ZNF385B: variants seen among roughly 807,000 people sequenced by gnomAD.
ZNF385B encodes zinc finger protein 533.
ZNF385B carries 23 observed loss-of-function variants against 39.2 expected under a neutral mutation model. That is an observed-to-expected ratio of 0.59 (90% confidence interval 0.42 to 0.83). The LOEUF is 0.83. Ranked by LOEUF, ZNF385B falls within the 40% of genes least tolerant of loss-of-function variation. ZNF385B has a pLI of 0.00. For synonymous variants in ZNF385B, 205 were observed against 222.6 expected (o/e 0.92, Z 0.70); for missense variants, 552 against 598.9 (o/e 0.92, Z 0.82).
At chr2:179,760,233 T>C (rs373454405) in intron 3 of ZNF385B, among the ~76,000 whole-genome samples, 8 of 147,080 alleles carry the variant, frequency 5.4e-5, no homozygotes, top group Non-Finnish European at 1.1e-4. Flanking sequence ...CGTGTGTGTG[T>C]GTGTGTGTGT....
intron 1 of ZNF385B, among the ~76,000 whole-genome samples, chr2:179,778,062 G>A (rs1704448385): frequency 6.6e-6 from 1 of 151,820 alleles, no homozygotes; most frequent in Non-Finnish European, 1.5e-5. Flanking sequence ...CATAGAATTG[G>A]GCTTTATTCT....
At chr2:179,444,672 T>C (rs2049288356) in intron 9 of ZNF385B, among the ~76,000 whole-genome samples, 1 of 152,184 alleles carries the variant, frequency 6.6e-6, no homozygotes, top group South Asian at 2.1e-4. Context: ...AAATATTAGC[T>C]CTTAAAGAGG....
intron 3 of ZNF385B, among the ~76,000 whole-genome samples, chr2:179,559,236 T>A (rs540546845): frequency 2.0e-5 from 3 of 152,298 alleles, no homozygotes; most frequent in African/African-American, 7.2e-5. Context: ...CAAACACTCC[T>A]GTGGGCGACT....
chr2:179,685,616 C>T (rs1697861496), intron 3 of ZNF385B, among the ~76,000 whole-genome samples: 1 of 151,994 alleles, frequency 6.6e-6, no homozygotes, highest in Non-Finnish European at 1.5e-5. Context: ...CCTGACTGTA[C>T]AGACAGCACA....
chr2:179,510,297 GCTAT>G (rs4019149), intron 5 of ZNF385B, among the ~76,000 whole-genome samples: 109,217 of 151,406 alleles, frequency 0.72, 40,224 homozygotes, highest in East Asian at 0.91. Flanking sequence ...ATGTGAAGCT[GCTAT>G]CTATCTTAAG....
chr2:179,564,197 T>C (rs1684281825), intron 3 of ZNF385B, among the ~76,000 whole-genome samples: 1 of 152,118 alleles, frequency 6.6e-6, no homozygotes, highest in African/African-American at 2.4e-5. Context: ...GCCCCCTACA[T>C]GACCTGAAAC....
intron 1 of ZNF385B, among the ~76,000 whole-genome samples, chr2:179,785,266 C>A (rs1283849230): frequency 6.6e-6 from 1 of 152,066 alleles, no homozygotes; most frequent in East Asian, 1.9e-4. Context: ...CAGACTGATA[C>A]ATGTTCAAAT....
intron 3 of ZNF385B, among the ~76,000 whole-genome samples, chr2:179,741,937 G>A (rs1344758028): frequency 3.3e-5 from 5 of 151,746 alleles, no homozygotes; most frequent in African/African-American, 4.8e-5. Context: ...TAGGGGAGAA[G>A]GCATTGAAAG....
intron 3 of ZNF385B, among the ~76,000 whole-genome samples, chr2:179,546,059 A>G (rs2060211785): frequency 6.6e-6 from 1 of 151,836 alleles, no homozygotes; most frequent in African/African-American, 2.4e-5. Context: ...TTTAAAGACA[A>G]GGTCTCACTC....
At chr2:179,505,221 C>T (rs1320426109) in intron 5 of ZNF385B, among the ~76,000 whole-genome samples, 1 of 151,588 alleles carries the variant, frequency 6.6e-6, no homozygotes, top group East Asian at 1.9e-4. Flanking sequence ...ATCTCACAAA[C>T]TTTTGTATAC....
At chr2:179,770,702 T>C (rs1481596123) in intron 1 of ZNF385B, 30 bp from the exon 2 acceptor site, 1 of 152,218 alleles carries the variant, frequency 6.6e-6, no homozygotes, top group Admixed American at 6.5e-5. Context: ...AAAATTTTAG[T>C]AAACTGGTAA....
chr2:179,535,197 A>T (rs2059487613), intron 4 of ZNF385B, among the ~76,000 whole-genome samples: 1 of 152,186 alleles, frequency 6.6e-6, no homozygotes, highest in African/African-American at 2.4e-5. Flanking sequence ...ATTTTCTATA[A>T]TACCACTCAG....
chr2:179,749,432 C>G (rs1421112520), intron 3 of ZNF385B, among the ~76,000 whole-genome samples: 1 of 152,040 alleles, frequency 6.6e-6, no homozygotes, highest in Non-Finnish European at 1.5e-5. Flanking sequence ...GGCCCAAAAA[C>G]CAGCTCGAGA....
At chr2:179,509,137 G>A (rs541078071) in intron 5 of ZNF385B, among the ~76,000 whole-genome samples, 5 of 151,948 alleles carry the variant, frequency 3.3e-5, no homozygotes, top group Middle Eastern at 6.8e-3. Flanking sequence ...TAGTAGAGAT[G>A]GGGTTTCACC....
At chr2:179,757,064 C>T (rs1264299716) in intron 3 of ZNF385B, among the ~76,000 whole-genome samples, 1 of 152,152 alleles carries the variant, frequency 6.6e-6, no homozygotes, top group East Asian at 1.9e-4. Context: ...TTCAGCTTTT[C>T]TGCTCTGTTT....
At chr2:179,837,314 T>G (rs1317879343) in intron 1 of ZNF385B, among the ~76,000 whole-genome samples, 1 of 152,244 alleles carries the variant, frequency 6.6e-6, no homozygotes, top group Admixed American at 6.5e-5. Context: ...TACGATGTGC[T>G]TGGATTTTAT....
chr2:179,620,632 T>A (rs554563013), intron 3 of ZNF385B, among the ~76,000 whole-genome samples: 35 of 152,254 alleles, frequency 2.3e-4, no homozygotes, highest in African/African-American at 8.2e-4. Context: ...GACAATAAGC[T>A]AATTTTGGCA....
chr2:179,774,020 T>A (rs1045246998), intron 1 of ZNF385B, among the ~76,000 whole-genome samples: 2 of 151,982 alleles, frequency 1.3e-5, no homozygotes, highest in Non-Finnish European at 2.9e-5. Context: ...ATGTGCTTTA[T>A]GTGTTTGTGG....
chr2:179,793,993 G>GT (rs752184492), intron 1 of ZNF385B, among the ~76,000 whole-genome samples: 1 of 152,210 alleles, frequency 6.6e-6, no homozygotes, highest in Non-Finnish European at 1.5e-5. Context: ...CAATAATTTA[G>GT]TTTGGAGAGG....
Sources: allele counts gnomAD v4.1 joint callset (sites outside exome capture counted in the v4.1 genomes callset), GRCh38; gene constraint gnomAD v4.1.1; transcripts MANE v1.5; gene names NCBI Gene and HGNC (gene_info 2026-07-23, HGNC 2026-07-21).